ZNF80: variants seen among roughly 807,000 people sequenced by gnomAD.
The protein encoded by ZNF80 is zinc finger protein 80.
For missense variants in ZNF80, 394 were observed against 334.1 expected (o/e 1.18, Z -1.40); for synonymous variants, 132 against 119.4 (o/e 1.11, Z -0.69).
chr3:114,237,014 C>G lies in ZNF80; in HGVS notation c.61G>C (p.Glu21Gln). ...AGATTGTCTCCTGTGGAGACCTGCT[C>G]CTGTAAAACCTGTGAGTGCAGACCA... ...GDGLHSQVLQ[E>Q]QVSTGDNLHE... The change falls in exon 1 of 1, where the codon GAG becomes CAG. Residue 21 changes from glutamate to glutamine, a missense_variant. Coordinates refer to ENST00000482457, the MANE Select transcript of ZNF80 (RefSeq NM_007136.4). 6.2e-7 allele frequency: 1 copy of G among 1,613,414 alleles called. No individual in the cohort carries two copies. Among genetic ancestry groups the G allele is most frequent in the Non-Finnish European group, 8.5e-7 (1 of 1,179,600 alleles).
At position 114,236,574 on chromosome 3, in the gene ZNF80, T is replaced by C; in HGVS notation, c.501A>G (p.Gly167=). Residue 167 remains glycine, a synonymous_variant, in exon 1 of 1, where the codon GGA becomes GGG. Coordinates refer to ENST00000482457, the MANE Select transcript of ZNF80 (RefSeq NM_007136.4). The part of the protein sequence containing the change: ...GEKLFGCKEC[G]KTFYYNSSLT... The stretch of plus-strand genomic sequence containing the variant: ...AGGAAGAGTTGTAGTAAAAGGTTTT[T>C]CCACATTCTTTGCACCCAAAGAGTT... The C allele has an allele frequency of 6.2e-7, 1 of 1,614,042 alleles. No individual in the cohort carries two copies. Among genetic ancestry groups the C allele is most frequent in the South Asian group, 1.1e-5 (1 of 91,062 alleles).
rs148508596 is a variant in ZNF80 at position 114,236,744 on chromosome 3, C to G, written c.331G>C (p.Gly111Arg). 69 of 1,614,150 alleles carry G rather than the reference C, an allele frequency of 4.3e-5. No homozygotes were observed. Among genetic ancestry groups the G allele is most frequent in the South Asian group, 2.2e-5 (2 of 91,076 alleles). Residue 111 changes from glycine to arginine, a missense_variant, in exon 1 of 1, where the codon GGG (glycine) becomes CGG (arginine). Physicochemically the swap from Gly to Arg is moderately radical, Grantham distance 125. Transcript: ENST00000482457. ...GEKPCKCVEC[G>R]KVFNRRSHLL... ...TGCGACCTGCGGTTGAAGACCTTCCCGCACTCCACGCACTTACAGGGCTTC... is the reference window on the plus strand; with the variant it reads ...TGCGACCTGCGGTTGAAGACCTTCCGGCACTCCACGCACTTACAGGGCTTC...
In ZNF80 at chr3:114,237,054, C is replaced by T; in HGVS notation, c.21G>A (p.Gly7=). The T allele has an allele frequency of 6.2e-7, 1 of 1,600,466 alleles. No individual in the cohort carries two copies. Among genetic ancestry groups the T allele is most frequent in the Admixed American group, 1.7e-5 (1 of 58,944 alleles). MSPKRD[G]LGTGDGLHSQ... is the part of the protein sequence containing the mutation. ...AGTGCAGACCATCACCTGTCCCCAACCCATCGCGTTTAGGGCTCATCTTCC... is the reference window on the plus strand; with the variant it reads ...AGTGCAGACCATCACCTGTCCCCAATCCATCGCGTTTAGGGCTCATCTTCC... Residue 7 remains glycine, a synonymous_variant, in exon 1 of 1, where the codon GGG becomes GGA. Coordinates refer to ENST00000482457, the MANE Select transcript of ZNF80 (RefSeq NM_007136.4).
chr3:114,236,067 A>G lies in ZNF80; in HGVS notation c.*186T>C. Reference sequence around the variant, plus strand: ...TTGACTGATGTGGGCCCACTTGCAAAAGGCCTTCCCACATATCTCATAGAG... The same window carrying G: ...TTGACTGATGTGGGCCCACTTGCAAGAGGCCTTCCCACATATCTCATAGAG... On this transcript the variant is annotated 3_prime_UTR_variant, in exon 1 of 1. Transcript: ENST00000482457. The G allele has an allele frequency of 2.1e-6, 1 of 484,126 alleles. No homozygotes were observed. 30.0% of individuals were successfully genotyped at this position (484,126 alleles called of 1,614,324 possible). A position where few individuals can be genotyped will look rare whatever the true frequency, so the allele number is the denominator to read the frequency against.
In ZNF80 at chr3:114,236,374, C is replaced by T. The variant is rs747417295; in HGVS notation, c.701G>A (p.Arg234Gln). The T allele has an allele frequency of 5.6e-6, 9 of 1,612,676 alleles. No individual in the cohort carries two copies. The highest frequency in any genetic ancestry group is 7.6e-6 in the Non-Finnish European group (9 of 1,179,030). Reference sequence around the variant, plus strand: ...CTCTCCAGTGTGACTCCTTGTATGTCGAGTGAGGGAATAGCTGTAGTAAAA... The same window carrying T: ...CTCTCCAGTGTGACTCCTTGTATGTTGAGTGAGGGAATAGCTGTAGTAAAA... ...KGFYYSYSLTRHTRSHTGEKP... is the reference protein window; with the variant it reads ...KGFYYSYSLTQHTRSHTGEKP... Residue 234 changes from arginine (R) to glutamine (Q), a missense_variant, in exon 1 of 1, where the codon CGA becomes CAA. By Grantham distance (43) the Arg-to-Gln change is conservative. Coordinates refer to ENST00000482457, the MANE Select transcript of ZNF80 (RefSeq NM_007136.4).
chr3:114,235,597 C>T lies in ZNF80; in HGVS notation c.*656G>A, dbSNP rs2078197961. The T allele has an allele frequency of 6.6e-6, 1 of 152,164 alleles. No homozygotes were observed. The highest frequency in any genetic ancestry group is 2.1e-4 in the South Asian group (1 of 4,820). The allele number at this position is 152,164 out of a possible 1,614,324, so 9.4% of individuals were successfully genotyped here. A position where few individuals can be genotyped will look rare whatever the true frequency, so the allele number is the denominator to read the frequency against. On this transcript the variant is annotated 3_prime_UTR_variant, in exon 1 of 1. Transcript: ENST00000482457. ...CAAAGACTTACATTCCTCAGGAGTA[C>T]AATGTTTTAGAACAAAGAATGCATT...
At position 114,236,593 on chromosome 3, in the gene ZNF80, A is replaced by G. The variant is rs762407180; in HGVS notation, c.482T>C (p.Phe161Ser). The G allele has an allele frequency of 9.3e-6, 15 of 1,613,714 alleles. No individual in the cohort carries two copies. In the South Asian group the frequency reaches 1.5e-4, roughly 17 times the overall value. The change falls in exon 1 of 1, where the codon TTT becomes TCT. Residue 161 changes from phenylalanine to serine, a missense_variant. Physicochemically the swap from Phe to Ser is radical, Grantham distance 155. Coordinates refer to ENST00000482457, the MANE Select transcript of ZNF80 (RefSeq NM_007136.4). Reference protein sequence around the residue: ...HRVTHTGEKLFGCKECGKTFY... With the variant: ...HRVTHTGEKLSGCKECGKTFY... ...GGTTTTTCCACATTCTTTGCACCCA[A>G]AGAGTTTTTCTCCAGTGTGGGTCAC...
In ZNF80 at chr3:114,236,787, C is replaced by T. The variant is rs1190147182; in HGVS notation, c.288G>A (p.Met96Ile). Residue 96 changes from methionine (M) to isoleucine (I), a missense_variant, in exon 1 of 1, where the codon ATG becomes ATA. Transcript: ENST00000482457. ...FPEKVDFVRPMRIHTGEKPCK... is the reference protein window; with the variant it reads ...FPEKVDFVRPIRIHTGEKPCK... Reference sequence around the variant, plus strand: ...AGGGCTTCTCCCCTGTGTGAATCCTCATGGGTCGAACGAAGTCGACCTTTT... The same window carrying T: ...AGGGCTTCTCCCCTGTGTGAATCCTTATGGGTCGAACGAAGTCGACCTTTT... 6.2e-7 allele frequency: 1 copy of T among 1,614,166 alleles called. No homozygotes were observed. Among genetic ancestry groups the T allele is most frequent in the Non-Finnish European group, 8.5e-7 (1 of 1,180,014 alleles).
In ZNF80 at chr3:114,236,259, G is replaced by T. The variant is rs1560017068; in HGVS notation, c.816C>A (p.Asn272Lys). The T allele has an allele frequency of 6.4e-7, 1 of 1,566,610 alleles. No individual in the cohort carries two copies. Among genetic ancestry groups the T allele is most frequent in the East Asian group, 2.2e-5 (1 of 44,464 alleles). Residue 272 changes from asparagine to lysine, a missense_variant, in exon 1 of 1, where the codon AAC becomes AAA. Asn to Lys is a moderately conservative substitution (Grantham distance 94). Coordinates refer to ENST00000482457, the MANE Select transcript of ZNF80 (RefSeq NM_007136.4). Reference sequence around the variant, plus strand: ...ATTCCCACATCATTTGCACTCAAAGGTTTTTTCCTCCAGAGTGGATCTTAC... The same window carrying T: ...ATTCCCACATCATTTGCACTCAAAGTTTTTTTCCTCCAGAGTGGATCTTAC... ...QQSKIHSGGK[N>K]L is the part of the protein sequence containing the mutation.
rs2078193117 is a variant in ZNF80, at chr3:114,234,640, A to G, written c.*1613T>C. 1 of 152,208 alleles carries G rather than the reference A, an allele frequency of 6.6e-6. No homozygotes were observed. The highest frequency in any genetic ancestry group is 2.4e-5 in the African/African-American group (1 of 41,442). 9.4% of individuals were successfully genotyped at this position (152,208 alleles called of 1,614,324 possible). On this transcript the variant is annotated 3_prime_UTR_variant, in exon 1 of 1. Transcript: ENST00000482457. ...AAATAATAGAAGTCACTTTTATTCT[A>G]ACATGCTATCTTTATTGAAATATTT...
rs150485238 is a variant in ZNF80, at chr3:114,237,059, C to G, written c.16G>C (p.Asp6His). 2 of 1,596,700 alleles carry G rather than the reference C, an allele frequency of 1.3e-6. No homozygotes were observed. Among genetic ancestry groups the G allele is most frequent in the Middle Eastern group, 1.7e-4 (1 of 5,966 alleles). Residue 6 changes from aspartate to histidine, a missense_variant, in exon 1 of 1, where the codon GAT (aspartate) becomes CAT (histidine). Coordinates refer to ENST00000482457, the MANE Select transcript of ZNF80 (RefSeq NM_007136.4). MSPKR[D>H]GLGTGDGLHS... ...AGACCATCACCTGTCCCCAACCCAT[C>G]GCGTTTAGGGCTCATCTTCCTCCAG... is the stretch of plus-strand genomic sequence containing the variant.
In ZNF80 at chr3:114,236,082, A is replaced by G. The variant is rs2078200540; in HGVS notation, c.*171T>C. ...CCACTTGCAAAAGGCCTTCCCACAT[A>G]TCTCATAGAGTTTATCTCTGGAAGG... On this transcript the variant is annotated 3_prime_UTR_variant, in exon 1 of 1. Coordinates refer to ENST00000482457, the MANE Select transcript of ZNF80 (RefSeq NM_007136.4). The G allele has an allele frequency of 1.9e-6, 1 of 532,382 alleles. No homozygotes were observed. Among genetic ancestry groups the G allele is most frequent in the Non-Finnish European group, 3.2e-6 (1 of 309,196 alleles). The allele number at this position is 532,382 out of a possible 1,614,324, so 33.0% of individuals were successfully genotyped here.
rs2078203294 is a variant in ZNF80 at position 114,236,528 on chromosome 3, G to C, written c.547C>G (p.His183Asp). ...NSSLTRHMKI[H>D]TGEKPCKCSE... ...CACTTGCAGGGCTTCTCTCCAGTGTGAATCTTCATGTGCCGGGTTAAGGAA... is the reference window on the plus strand; with the variant it reads ...CACTTGCAGGGCTTCTCTCCAGTGTCAATCTTCATGTGCCGGGTTAAGGAA... The change falls in exon 1 of 1, where the codon CAC becomes GAC. Residue 183 changes from histidine (H) to aspartate (D), a missense_variant. His to Asp is a moderately conservative substitution (Grantham distance 81). Coordinates refer to ENST00000482457, the MANE Select transcript of ZNF80 (RefSeq NM_007136.4). 6.2e-7 allele frequency: 1 copy of C among 1,614,242 alleles called. No individual in the cohort carries two copies. Among genetic ancestry groups the C allele is most frequent in the African/African-American group, 1.3e-5 (1 of 75,072 alleles).
rs761037600 is a variant in ZNF80, at chr3:114,236,985, A to G, written c.90T>C (p.His30=). The change falls in exon 1 of 1, where the codon CAT becomes CAC. Residue 30 remains histidine (H), a synonymous_variant. Coordinates refer to ENST00000482457, the MANE Select transcript of ZNF80 (RefSeq NM_007136.4). ...TACTTGGTCCCTGGGAGTCACATTC[A>G]TGGAGATTGTCTCCTGTGGAGACCT... is the stretch of plus-strand genomic sequence containing the variant. ...QEQVSTGDNL[H]ECDSQGPSKD... is the part of the protein sequence containing the mutation. 2.5e-5 allele frequency: 40 copies of G among 1,614,084 alleles called. No individual in the cohort carries two copies. The highest frequency in any genetic ancestry group is 1.6e-4 in the Middle Eastern group (1 of 6,084).
rs144823946 is a variant in ZNF80, at chr3:114,236,721, C to A, written c.354G>T (p.Ser118=). The change falls in exon 1 of 1, where the codon TCG becomes TCT. Residue 118 remains serine (S), a synonymous_variant. Transcript: ENST00000482457. ...GAATCTGGCGGTAGCACAGGAGGTGCGACCTGCGGTTGAAGACCTTCCCGC... is the reference window on the plus strand; with the variant it reads ...GAATCTGGCGGTAGCACAGGAGGTGAGACCTGCGGTTGAAGACCTTCCCGC... ...VECGKVFNRR[S]HLLCYRQIHT... The A allele has an allele frequency of 6.2e-7, 1 of 1,613,638 alleles. No individual in the cohort carries two copies. Among genetic ancestry groups the A allele is most frequent in the Non-Finnish European group, 8.5e-7 (1 of 1,179,904 alleles).
In ZNF80 at chr3:114,236,408, C is replaced by T. The variant is rs775236892; in HGVS notation, c.667G>A (p.Gly223Arg). ...GAATAGCTGTAGTAAAAACCTTTCC[C>T]ACATTCTTTGCACTCGTAGGGCTTT... ...AGKPYECKEC[G>R]KGFYYSYSLT... The change falls in exon 1 of 1, where the codon GGG (glycine) becomes AGG (arginine). Residue 223 changes from glycine (G) to arginine (R), a missense_variant. Transcript: ENST00000482457. 1 of 1,612,320 alleles carries T rather than the reference C, an allele frequency of 6.2e-7. No homozygotes were observed. The highest frequency in any genetic ancestry group is 1.1e-5 in the South Asian group (1 of 91,028).
In ZNF80 at chr3:114,237,120, G is replaced by A; in HGVS notation, c.-46C>T. On this transcript the variant is annotated 5_prime_UTR_variant, in exon 1 of 1. Transcript: ENST00000482457. ...TGTGGGAGACTGCAGCCAAACTCAAGTGCCCTTCTGCATTTCCAACTGTGT... is the reference window on the plus strand; with the variant it reads ...TGTGGGAGACTGCAGCCAAACTCAAATGCCCTTCTGCATTTCCAACTGTGT... 2.0e-6 allele frequency: 3 copies of A among 1,519,342 alleles called. No individual in the cohort carries two copies. Among genetic ancestry groups the A allele is most frequent in the Non-Finnish European group, 2.7e-6 (3 of 1,124,368 alleles). The allele number at this position is 1,519,342 out of a possible 1,614,324, so 94.1% of individuals were successfully genotyped here. A position where few individuals can be genotyped will look rare whatever the true frequency, so the allele number is the denominator to read the frequency against.
At position 114,237,131 on chromosome 3, in the gene ZNF80, C is replaced by T; in HGVS notation, c.-57G>A. ...GCAGCCAAACTCAAGTGCCCTTCTG[C>T]ATTTCCAACTGTGTCCGGAATTGGT... On this transcript the variant is annotated 5_prime_UTR_variant, in exon 1 of 1. The change abolishes an upstream ATG in the 5' untranslated region. Transcript: ENST00000482457. 6.8e-7 allele frequency: 1 copy of T among 1,478,234 alleles called. No homozygotes were observed. Among genetic ancestry groups the T allele is most frequent in the Non-Finnish European group, 9.2e-7 (1 of 1,087,674 alleles). The allele number at this position is 1,478,234 out of a possible 1,614,324, so 91.6% of individuals were successfully genotyped here. A position where few individuals can be genotyped will look rare whatever the true frequency, so the allele number is the denominator to read the frequency against.
chr3:114,236,519 C>G lies in ZNF80; in HGVS notation c.556G>C (p.Glu186Gln). The G allele has an allele frequency of 6.2e-7, 1 of 1,614,232 alleles. No homozygotes were observed. The change falls in exon 1 of 1, where the codon GAG becomes CAG. Residue 186 changes from glutamate to glutamine, a missense_variant. Transcript: ENST00000482457. ...CACTCACTGCACTTGCAGGGCTTCT[C>G]TCCAGTGTGAATCTTCATGTGCCGG... Reference protein sequence around the residue: ...LTRHMKIHTGEKPCKCSECGK... With the variant: ...LTRHMKIHTGQKPCKCSECGK...
Sources: allele counts gnomAD v4.1 joint callset, GRCh38; gene constraint gnomAD v4.1.1; transcripts MANE v1.5; gene names NCBI Gene and HGNC (gene_info 2026-07-23, HGNC 2026-07-21).